IL16: variants seen among roughly 807,000 people sequenced by gnomAD.
IL16 encodes pro-interleukin-16.
Under a neutral mutation model 110.1 loss-of-function variants are expected in IL16, and 67 were observed. That is an observed-to-expected ratio of 0.61 (90% CI 0.50 to 0.75). The LOEUF (loss-of-function observed/expected upper bound fraction) is 0.75, where lower values mean the gene tolerates loss of function less well. Among genes scored for constraint, IL16 ranks in the 30% least tolerant of loss-of-function variants. The pLI, the probability that IL16 is intolerant of heterozygous loss-of-function variation, is 0.00. For synonymous variants in IL16, 689 were observed against 662.9 expected, an observed-to-expected ratio of 1.04 and a Z score of -0.61; for missense variants, 1,545 against 1,655.0, an observed-to-expected ratio of 0.93 and a Z score of 1.15.
rs549201201 is a variant in IL16 at position 81,230,857 on chromosome 15, C to A, written c.312+5146C>A. ...CCACCTCTCCAGGAGGCTCAGTATACATGGGTGGCGGACAAAGGTAGGATT... is the reference window on the plus strand; with the variant it reads ...CCACCTCTCCAGGAGGCTCAGTATAAATGGGTGGCGGACAAAGGTAGGATT... On this transcript the variant is annotated intron_variant, in intron 2 of 18. Transcript: ENST00000683961. Among the ~76,000 whole-genome samples the A allele has an allele frequency of 1.1e-4, 17 of 152,200 alleles. No homozygotes were observed. The South Asian group carries it at 3.5e-3, about 32-fold the overall frequency.
chr15:81,232,042 G>GTTTTTTTTTGTT (rs1897009578), intron 2 of IL16, among the ~76,000 whole-genome samples: 1 of 57,692 alleles, frequency 1.7e-5, no homozygotes. Flanking sequence ...ATTTGTTCTT[G>GTTTTTTTTTGTT]TTTTTTTTTT....
chr15:81,206,978 A>C (rs1262812650), intron 1 of IL16, among the ~76,000 whole-genome samples: 1 of 152,116 alleles, frequency 6.6e-6, no homozygotes, highest in Non-Finnish European at 1.5e-5. Context: ...TCATGCCTGT[A>C]ATCCCAACAC....
intron 2 of IL16, among the ~76,000 whole-genome samples, chr15:81,234,938 T>G (rs754939950): frequency 1.4e-4 from 22 of 152,172 alleles, no homozygotes; most frequent in Non-Finnish European, 2.6e-4. Context: ...CACTGGAAGG[T>G]GATGGTGTAG....
intron 2 of IL16, among the ~76,000 whole-genome samples, chr15:81,258,730 GCTCT>G (rs145587698): frequency 4.7e-5 from 7 of 147,794 alleles, no homozygotes; most frequent in East Asian, 2.0e-4. Context: ...TCGCGCACGC[GCTCT>G]CTCTCTCTCT....
intron 12 of IL16, among the ~76,000 whole-genome samples, chr15:81,293,258 G>A (rs1366910641): frequency 3.9e-5 from 6 of 152,196 alleles, no homozygotes; most frequent in African/African-American, 7.2e-5. Flanking sequence ...TGGCATCTGG[G>A]TTCCCACCCA....
chr15:81,216,057 G>A (rs142332135), intron 1 of IL16, among the ~76,000 whole-genome samples: 2,119 of 152,318 alleles, frequency 0.014, 17 homozygotes, highest in Non-Finnish European at 0.023. Flanking sequence ...CAGAACAGAT[G>A]TGCATCATTC....
In IL16 at chr15:81,311,500, A is replaced by G. The variant is rs1900851209; in HGVS notation, c.*2702A>G. 6.6e-6 allele frequency: 1 copy of G among 152,228 alleles called. No homozygotes were observed. Among genetic ancestry groups the G allele is most frequent in the East Asian group, 1.9e-4 (1 of 5,202 alleles). 9.4% of individuals were successfully genotyped at this position (152,228 alleles called of 1,614,324 possible). A position where few individuals can be genotyped will look rare whatever the true frequency, so the allele number is the denominator to read the frequency against. On this transcript the variant is annotated 3_prime_UTR_variant, in exon 19 of 19. Transcript: ENST00000683961. ...CCAGGGCTCTGACCAGTTTAACCTGATGCAGTCACGTGGAGGAGCAGTGCA... is the reference window on the plus strand; with the variant it reads ...CCAGGGCTCTGACCAGTTTAACCTGGTGCAGTCACGTGGAGGAGCAGTGCA...
At chr15:81,252,038 G>T (rs1161539457) in intron 2 of IL16, among the ~76,000 whole-genome samples, 1 of 152,144 alleles carries the variant, frequency 6.6e-6, no homozygotes, top group African/African-American at 2.4e-5. Flanking sequence ...CCTTCCTAGG[G>T]TCTGATTGGT....
At chr15:81,270,465 C>T (rs1898583005) in intron 5 of IL16, among the ~76,000 whole-genome samples, 1 of 152,162 alleles carries the variant, frequency 6.6e-6, no homozygotes, top group African/African-American at 2.4e-5. Flanking sequence ...ACCTCAAGTC[C>T]TCTTTCCCTC....
chr15:81,221,829 G>A (rs1896626533), intron 1 of IL16, among the ~76,000 whole-genome samples: 1 of 152,184 alleles, frequency 6.6e-6, no homozygotes, highest in African/African-American at 2.4e-5. Context: ...TCATGAAAGT[G>A]GTGATTCTCT....
At chr15:81,193,218 G>C (rs972552316), upstream of IL16, among the ~76,000 whole-genome samples, 1 of 152,144 alleles carries the variant, frequency 6.6e-6, no homozygotes, top group Non-Finnish European at 1.5e-5. Context: ...ATGGATGCTA[G>C]TGACAATTAC....
intron 1 of IL16, among the ~76,000 whole-genome samples, chr15:81,216,995 G>T (rs1896458112): frequency 6.6e-6 from 1 of 151,798 alleles, no homozygotes; most frequent in Non-Finnish European, 1.5e-5. Context: ...TAAATTTAAG[G>T]AAACTAAATA....
At chr15:81,212,290 T>A (rs1016546646) in intron 1 of IL16, among the ~76,000 whole-genome samples, 1 of 152,188 alleles carries the variant, frequency 6.6e-6, no homozygotes, top group Admixed American at 6.5e-5. Flanking sequence ...TTTGCATAGA[T>A]TTGTTCACAG....
At chr15:81,223,862 G>T (rs989409057) in intron 1 of IL16, among the ~76,000 whole-genome samples, 9 of 152,214 alleles carry the variant, frequency 5.9e-5, no homozygotes, top group Admixed American at 2.0e-4. Context: ...CATGAACTCT[G>T]CAGAGGCTTG....
At chr15:81,289,559 T>A (rs1196424456) in intron 10 of IL16, among the ~76,000 whole-genome samples, 1 of 152,272 alleles carries the variant, frequency 6.6e-6, no homozygotes, top group Non-Finnish European at 1.5e-5. Flanking sequence ...ATTTGCTTTT[T>A]GGCTGTTTGT....
At chr15:81,213,408 G>A (rs1031333322) in intron 1 of IL16, among the ~76,000 whole-genome samples, 3 of 152,176 alleles carry the variant, frequency 2.0e-5, no homozygotes, top group Non-Finnish European at 4.4e-5. Flanking sequence ...AGGTCCAACT[G>A]TTCAAGTGCT....
intron 2 of IL16, among the ~76,000 whole-genome samples, chr15:81,250,280 A>G (rs1897722012): frequency 6.6e-6 from 1 of 152,056 alleles, no homozygotes; most frequent in African/African-American, 2.4e-5. Context: ...AGTGATTCTC[A>G]TGCCTCAGCC....
intron 2 of IL16, among the ~76,000 whole-genome samples, chr15:81,233,060 CA>C (rs983544021): frequency 2.6e-5 from 4 of 152,102 alleles, no homozygotes; most frequent in Non-Finnish European, 5.9e-5. Flanking sequence ...TACAAATTTT[CA>C]ACTTCTTTTG....
At chr15:81,282,565 G>A in intron 8 of IL16, 74 bp from the exon 9 acceptor site, 1 of 1,046,072 alleles carries the variant, frequency 9.6e-7, no homozygotes, top group South Asian at 1.3e-5. Flanking sequence ...CATGTCTGTG[G>A]CACCCAATCG....
Sources: allele counts gnomAD v4.1 joint callset (sites outside exome capture counted in the v4.1 genomes callset), GRCh38; gene constraint gnomAD v4.1.1; transcripts MANE v1.5; gene names NCBI Gene and HGNC (gene_info 2026-07-23, HGNC 2026-07-21).